GALNTL6: variants seen among roughly 807,000 people sequenced by gnomAD.
The protein encoded by GALNTL6 is polypeptide N-acetylgalactosaminyltransferase like 6.
In GALNTL6, 46 loss-of-function variants were observed where a neutral mutation model predicts 73.7. That is an observed-to-expected ratio of 0.62 (90% CI 0.49 to 0.80). The LOEUF (loss-of-function observed/expected upper bound fraction) is 0.80, where lower values mean the gene tolerates loss of function less well. Ranked by LOEUF, GALNTL6 falls within the 30% of genes least tolerant of loss-of-function variation. The pLI is 0.00. For missense variants in GALNTL6, 604 were observed against 755.0 expected, an observed-to-expected ratio of 0.80 and a Z score of 2.34; for synonymous variants, 259 against 263.7, an observed-to-expected ratio of 0.98 and a Z score of 0.17.
At chr4:171,976,284 C>A (rs906815589) in intron 2 of GALNTL6, among the ~76,000 whole-genome samples, 22 of 152,160 alleles carry the variant, frequency 1.4e-4, no homozygotes, top group African/African-American at 5.1e-4. Flanking sequence ...TGTGTCGTTA[C>A]ATAATTTGCA....
chr4:172,827,514 T>C, intron 7 of GALNTL6, among the ~76,000 whole-genome samples: 1 of 152,206 alleles, frequency 6.6e-6, no homozygotes. Flanking sequence ...CTCTATGTTC[T>C]GGAATCCTAA....
At chr4:171,931,933 C>T (rs1224028019) in intron 2 of GALNTL6, among the ~76,000 whole-genome samples, 1 of 152,062 alleles carries the variant, frequency 6.6e-6, no homozygotes, top group Non-Finnish European at 1.5e-5. Flanking sequence ...TCAGAAAAAT[C>T]TAATTACATT....
At chr4:172,604,442 A>G (rs1202812253) in intron 5 of GALNTL6, among the ~76,000 whole-genome samples, 2 of 152,200 alleles carry the variant, frequency 1.3e-5, no homozygotes, top group East Asian at 3.8e-4. Context: ...GGCTAATGGA[A>G]CAAACTTCAT....
rs568861254 is a variant in GALNTL6, at chr4:172,124,129, T to C, written c.139-105527T>C. Among the ~76,000 whole-genome samples, 17 of 152,322 alleles carry C rather than the reference T, an allele frequency of 1.1e-4. No individual in the cohort carries two copies. The South Asian group carries it at 3.3e-3, about 30-fold the overall frequency. ...AGAAAATTTGGTTATTTTTGTAATA[T>C]ACAACATAATAACCAGAATTATGTC... On this transcript the variant is annotated intron_variant, in intron 2 of 12. Coordinates refer to ENST00000506823, the MANE Select transcript of GALNTL6 (RefSeq NM_001034845.3).
At chr4:171,920,700 C>T (rs896179657) in intron 2 of GALNTL6, among the ~76,000 whole-genome samples, 1 of 152,004 alleles carries the variant, frequency 6.6e-6, no homozygotes, top group Non-Finnish European at 1.5e-5. Context: ...CCTTAATGAT[C>T]GATACAAATA....
Position 172,029,400 on chromosome 4 carries a change from G to A in GALNTL6, c.139-200256G>A, listed in dbSNP as rs981057594. 5.3e-5 allele frequency among the ~76,000 whole-genome samples: 8 copies of A among 151,868 alleles called. No individual in the cohort carries two copies. The East Asian group carries it at 1.4e-3, about 26-fold the overall frequency. ...ATTAATATTGATTTAACCTCAAATG[G>A]CTACATAAAAATTTGATTACATATG... On this transcript the variant is annotated intron_variant, in intron 2 of 12. Transcript: ENST00000506823.
Position 172,003,935 on chromosome 4 carries a change from C to T in GALNTL6, c.138+189217C>T, listed in dbSNP as rs374524371. On this transcript the variant is annotated intron_variant, in intron 2 of 12. Transcript: ENST00000506823. ...GGTTATGACTCCTGCACTGAATTTACGGAAATATTTTTGGTCAATTTCTGG... is the reference window on the plus strand; with the variant it reads ...GGTTATGACTCCTGCACTGAATTTATGGAAATATTTTTGGTCAATTTCTGG... 1.1e-4 allele frequency among the ~76,000 whole-genome samples: 17 copies of T among 152,180 alleles called. No homozygotes were observed. In the East Asian group the frequency reaches 1.4e-3, roughly 12 times the overall value.
At chr4:172,444,885 C>A (rs1003090272) in intron 5 of GALNTL6, among the ~76,000 whole-genome samples, 2 of 152,062 alleles carry the variant, frequency 1.3e-5, no homozygotes, top group South Asian at 4.2e-4. Flanking sequence ...CACCAATTAT[C>A]CACCTTCCTA....
At chr4:172,871,590 G>A (rs997705141) in intron 7 of GALNTL6, among the ~76,000 whole-genome samples, 16 of 125,286 alleles carry the variant, frequency 1.3e-4, no homozygotes, top group African/African-American at 3.9e-4. Context: ...TCTGACTCTG[G>A]GGGGGGTGTG....
At chr4:173,002,549 C>T (rs918213196) in intron 10 of GALNTL6, among the ~76,000 whole-genome samples, 5 of 151,804 alleles carry the variant, frequency 3.3e-5, no homozygotes, top group African/African-American at 4.8e-5. Flanking sequence ...AATCCCAGCA[C>T]TTTGGGAGGC....
At chr4:173,020,665 A>G (rs1206316853) in intron 11 of GALNTL6, among the ~76,000 whole-genome samples, 1 of 152,240 alleles carries the variant, frequency 6.6e-6, no homozygotes, top group African/African-American at 2.4e-5. Flanking sequence ...AGGTGCTAGC[A>G]TCAATTCGGC....
chr4:172,282,307 C>T (rs1739089200), intron 3 of GALNTL6, among the ~76,000 whole-genome samples: 1 of 152,116 alleles, frequency 6.6e-6, no homozygotes. Flanking sequence ...CAGGGCAAAG[C>T]AAAGTAAAAC....
At chr4:172,133,565 C>A (rs887313085) in intron 2 of GALNTL6, among the ~76,000 whole-genome samples, 2 of 152,154 alleles carry the variant, frequency 1.3e-5, no homozygotes, top group Admixed American at 1.3e-4. Flanking sequence ...TGTGTTGAAA[C>A]TATGGTGGAT....
At chr4:172,041,374 A>T (rs1211660386) in intron 2 of GALNTL6, among the ~76,000 whole-genome samples, 3 of 152,216 alleles carry the variant, frequency 2.0e-5, no homozygotes, top group East Asian at 1.9e-4. Flanking sequence ...AAAAAATTCT[A>T]CATGCTGATC....
chr4:171,836,204 AT>A lies in GALNTL6; in HGVS notation c.138+21491del, dbSNP rs528065414. Among the ~76,000 whole-genome samples, 414 of 152,200 alleles carry A rather than the reference AT, an allele frequency of 2.7e-3. 4 individuals are homozygous for A. Among genetic ancestry groups the A allele is most frequent in the African/African-American group, 9.5e-3 (394 of 41,580 alleles). ...GGGGTTGGGCTAGATGAAACTATCT[AT>A]TTTTAAATTATATAAAAATAGTTGG... On this transcript the variant is annotated intron_variant, in intron 2 of 12. Transcript: ENST00000506823.
intron 5 of GALNTL6, among the ~76,000 whole-genome samples, chr4:172,437,203 G>T (rs1731666297): frequency 6.6e-6 from 1 of 151,982 alleles, no homozygotes; most frequent in African/African-American, 2.4e-5. Context: ...GTCCCTGTTT[G>T]TCTCACCTTT....
intron 4 of GALNTL6, among the ~76,000 whole-genome samples, chr4:172,336,387 T>C (rs1741325498): frequency 6.8e-6 from 1 of 146,056 alleles, no homozygotes; most frequent in African/African-American, 2.5e-5. Context: ...TTCTCCTGCC[T>C]CAGCCTCCTG....
chr4:172,436,902 G>T (rs572421339), intron 5 of GALNTL6, among the ~76,000 whole-genome samples: 2 of 152,222 alleles, frequency 1.3e-5, no homozygotes, highest in Non-Finnish European at 2.9e-5. Flanking sequence ...TGGATTTGCA[G>T]TCTAGCTGTT....
chr4:172,619,157 A>G (rs904376498), intron 5 of GALNTL6, among the ~76,000 whole-genome samples: 1 of 152,164 alleles, frequency 6.6e-6, no homozygotes, highest in Admixed American at 6.5e-5. Context: ...ATTTTGAGGT[A>G]GACATAAATT....
Sources: gnomAD v4.1 joint callset for allele counts (sites outside exome capture counted in the v4.1 genomes callset) on GRCh38, gnomAD v4.1.1 for gene constraint, MANE v1.5 for transcripts, NCBI Gene and HGNC (gene_info 2026-07-23, HGNC 2026-07-21) for gene names.